The following PC variants were observed in gnomAD, a reference collection of about 807,000 sequenced individuals.
PC encodes the protein pyruvate carboxylase.
Under a neutral mutation model 107.8 loss-of-function variants are expected in PC, and 46 were observed. That is an observed-to-expected ratio of 0.43 (90% CI 0.34 to 0.55). The LOEUF (loss-of-function observed/expected upper bound fraction) is 0.55. Among genes scored for constraint, PC ranks in the 20% least tolerant of loss-of-function variants. The pLI, the probability that PC is intolerant of heterozygous loss-of-function variation, is 0.04. For missense variants in PC, 1,241 were observed against 1,643.1 expected (o/e 0.76, Z 4.23); for synonymous variants, 662 against 684.7 (o/e 0.97, Z 0.52).
intron 12 of PC, chr11:66,860,667 G>A (rs945448574): frequency 1.4e-6 from 1 of 701,588 alleles, no homozygotes; most frequent in Non-Finnish European, 2.6e-6. Context: ...GGTGTCTTCT[G>A]ACCTGCAAGA....
chr11:66,907,743 A>G (rs1244985920), intron 3 of PC: 1 of 152,256 alleles, frequency 6.6e-6, no homozygotes, highest in Non-Finnish European at 1.5e-5. Context: ...CAGAGGGAAG[A>G]GCAACAATGG....
intron 3 of PC, among the ~76,000 whole-genome samples, chr11:66,894,353 C>T (rs967499210): frequency 6.6e-6 from 1 of 152,248 alleles, no homozygotes; most frequent in South Asian, 2.1e-4. Flanking sequence ...AGCACTCCCT[C>T]TACCATTAGA....
At chr11:66,892,457 G>A (rs923938522) in intron 3 of PC, among the ~76,000 whole-genome samples, 3 of 152,220 alleles carry the variant, frequency 2.0e-5, no homozygotes, top group African/African-American at 7.2e-5. Context: ...GTAGAGACAA[G>A]ACTTCCTACT....
intron 3 of PC, among the ~76,000 whole-genome samples, chr11:66,936,175 G>T (rs899741884): frequency 6.6e-6 from 1 of 151,732 alleles, no homozygotes; most frequent in African/African-American, 2.4e-5. Context: ...TTGAGCCCAG[G>T]AGGTGGAGGC....
chr11:66,857,011 C>A lies in PC; in HGVS notation c.1369-3628G>T, dbSNP rs1487288466. On this transcript the variant is annotated intron_variant, in intron 12 of 22. Transcript: ENST00000393960. The surrounding 1 kb of genome is among the most constrained non-coding windows in gnomAD (Gnocchi z 7.1). ...GCCGGCCCGGGCCCGGGTGGATCCC[C>A]GCGCGCCCCTCCCCGTCCGCCCTCC... The A allele has an allele frequency of 6.8e-6, 1 of 146,520 alleles. No homozygotes were observed. The highest frequency in any genetic ancestry group is 1.5e-5 in the Non-Finnish European group (1 of 65,882). The allele number at this position is 146,520 out of a possible 1,614,324, so 9.1% of individuals were successfully genotyped here. A position where few individuals can be genotyped will look rare whatever the true frequency, so the allele number is the denominator to read the frequency against.
chr11:66,912,030 A>AAAAC (rs771230688), intron 3 of PC, among the ~76,000 whole-genome samples: 9,344 of 128,852 alleles, frequency 0.073, 320 homozygotes, highest in Non-Finnish European at 0.098. Context: ...AAGACAAGAA[A>AAAAC]AAAGAAAGAA....
chr11:66,896,104 C>T (rs1043031022), intron 3 of PC, among the ~76,000 whole-genome samples: 1 of 151,530 alleles, frequency 6.6e-6, no homozygotes, highest in Non-Finnish European at 1.5e-5. Flanking sequence ...TTTCCGGAGA[C>T]AGTCTGGCTC....
At chr11:66,901,281 C>T (rs1265559469) in intron 3 of PC, among the ~76,000 whole-genome samples, 2 of 152,128 alleles carry the variant, frequency 1.3e-5, no homozygotes, top group Non-Finnish European at 2.9e-5. Flanking sequence ...GCCGATGAGA[C>T]AGAGGCACAG....
chr11:66,894,249 T>TC (rs1947671972), intron 3 of PC, among the ~76,000 whole-genome samples: 1 of 151,940 alleles, frequency 6.6e-6, no homozygotes. Flanking sequence ...TCCAGCCTTG[T>TC]CCCCCCATGC....
intron 3 of PC, among the ~76,000 whole-genome samples, chr11:66,905,044 C>A (rs567565543): frequency 6.2e-4 from 95 of 152,354 alleles, no homozygotes; most frequent in Non-Finnish European, 1.2e-3. Flanking sequence ...TTAGATTTCA[C>A]CTCATCAGAG....
intron 3 of PC, among the ~76,000 whole-genome samples, chr11:66,933,065 A>G (rs1948901653): frequency 6.6e-6 from 1 of 152,162 alleles, no homozygotes; most frequent in South Asian, 2.1e-4. Flanking sequence ...CTTTGTTTTG[A>G]TCAGTGTAAA....
Position 66,857,523 on chromosome 11 carries a change from C to G in PC, c.1369-4140G>C. On this transcript the variant is annotated intron_variant, in intron 12 of 22. Coordinates refer to ENST00000393960, the MANE Select transcript of PC (RefSeq NM_001040716.2). This position sits in a 1 kb window ranked among gnomAD's most constrained non-coding sequence, Gnocchi z 7.1. ...TCACCTTGTCCCCAGCGCCTGGACT[C>G]CCCCTTAACTGCTTGGGAAATGTGA... 1 of 562,118 alleles carries G rather than the reference C, an allele frequency of 1.8e-6. No individual in the cohort carries two copies. The highest frequency in any genetic ancestry group is 3.1e-6 in the Non-Finnish European group (1 of 318,864). The allele number at this position is 562,118 out of a possible 1,614,324, so 34.8% of individuals were successfully genotyped here. A position where few individuals can be genotyped will look rare whatever the true frequency, so the allele number is the denominator to read the frequency against.
intron 3 of PC, among the ~76,000 whole-genome samples, chr11:66,931,283 G>C (rs2136111141): frequency 6.6e-6 from 1 of 151,658 alleles, no homozygotes; most frequent in Non-Finnish European, 1.5e-5. Context: ...GGAGGCTGAG[G>C]CAGGAGAATC....
intron 3 of PC, among the ~76,000 whole-genome samples, chr11:66,903,767 A>T (rs1384403747): frequency 0.02 from 2,204 of 111,276 alleles, 17 homozygotes; most frequent in South Asian, 0.04. Context: ...AAAAAAAAAA[A>T]AAAAAAATAT....
chr11:66,854,787 C>A (rs888768415), intron 12 of PC, among the ~76,000 whole-genome samples: 3 of 152,248 alleles, frequency 2.0e-5, no homozygotes, highest in Non-Finnish European at 4.4e-5. Context: ...GCCTCCCCCA[C>A]CAGCCTGTCA....
intron 3 of PC, among the ~76,000 whole-genome samples, chr11:66,901,716 G>A (rs944063729): frequency 1.3e-5 from 2 of 151,896 alleles, no homozygotes; most frequent in Non-Finnish European, 2.9e-5. Flanking sequence ...CAGGTGATCC[G>A]CCCGCCTCAG....
At chr11:66,877,179 A>C (rs1201788663) in intron 3 of PC, among the ~76,000 whole-genome samples, 2 of 152,152 alleles carry the variant, frequency 1.3e-5, no homozygotes, top group Non-Finnish European at 2.9e-5. Context: ...TGAGGTCACG[A>C]ATTCAAAACC....
Position 66,852,674 on chromosome 11 carries a change from G to A in PC, c.1604-14C>T, listed in dbSNP as rs759185277. Reference sequence around the variant, plus strand: ...CCGGGGGCGGGCCTAGGGTAGACAGGGGCATTGGTGCCCATCCTGCAGGTG... The same window carrying A: ...CCGGGGGCGGGCCTAGGGTAGACAGAGGCATTGGTGCCCATCCTGCAGGTG... On this transcript the variant is annotated splice_polypyrimidine_tract_variant and intron_variant, in intron 14 of 22. Coordinates refer to ENST00000393960, the MANE Select transcript of PC (RefSeq NM_001040716.2). This position sits in a 1 kb window ranked among gnomAD's most constrained non-coding sequence, Gnocchi z 4.7. 5.0e-6 allele frequency: 8 copies of A among 1,612,800 alleles called. No homozygotes were observed. The highest frequency in any genetic ancestry group is 1.7e-5 in the Admixed American group (1 of 59,970).
chr11:66,885,435 G>C (rs978679187), intron 3 of PC, among the ~76,000 whole-genome samples: 1 of 149,638 alleles, frequency 6.7e-6, no homozygotes, highest in Non-Finnish European at 1.5e-5. Context: ...AGGTTGCAGT[G>C]AGCCGAGATG....
Sources: gnomAD v4.1 joint callset for allele counts (sites outside exome capture counted in the v4.1 genomes callset) on GRCh38, gnomAD v4.1.1 for gene constraint, Gnocchi (gnomAD v3.1) non-coding constraint, MANE v1.5 for transcripts, NCBI Gene and HGNC (gene_info 2026-07-23, HGNC 2026-07-21) for gene names.